The following RBM19 variants were observed in gnomAD, a reference collection of about 807,000 sequenced individuals.
RBM19 encodes the protein probable RNA-binding protein 19.
RBM19 carries 94 observed loss-of-function variants against 116.8 expected under a neutral mutation model. The observed-to-expected ratio is 0.80, with a 90% CI of 0.68 to 0.95. The LOEUF is 0.95. RBM19 is among the 40% of genes least tolerant of loss of function. The pLI, the probability that RBM19 is intolerant of heterozygous loss-of-function variation, is 0.00. For missense variants in RBM19, 1,161 were observed against 1,220.7 expected (o/e 0.95, Z 0.73); for synonymous variants, 475 against 494.1 (o/e 0.96, Z 0.51).
chr12:113,885,279 A>G (rs1880439061), intron 21 of RBM19, among the ~76,000 whole-genome samples: 1 of 152,246 alleles, frequency 6.6e-6, no homozygotes, highest in Admixed American at 6.5e-5. Flanking sequence ...CTATGTGAGA[A>G]TCCTAACCAA....
At chr12:113,832,876 C>T (rs192416942) in intron 23 of RBM19, among the ~76,000 whole-genome samples, 82 of 152,250 alleles carry the variant, frequency 5.4e-4, no homozygotes, top group Non-Finnish European at 7.9e-4. Flanking sequence ...GTGGCCTATT[C>T]GCAAAGGCTG....
intron 21 of RBM19, among the ~76,000 whole-genome samples, chr12:113,907,604 C>A (rs1882156696): frequency 6.6e-6 from 1 of 152,168 alleles, no homozygotes; most frequent in Non-Finnish European, 1.5e-5. Flanking sequence ...AGGGGGTCAA[C>A]AGGACTTAGC....
At chr12:113,962,671 A>G (rs954852433) in intron 1 of RBM19, among the ~76,000 whole-genome samples, 4 of 152,216 alleles carry the variant, frequency 2.6e-5, no homozygotes, top group African/African-American at 7.2e-5. Flanking sequence ...TTCCTACCCT[A>G]TGGGGCTCCT....
Position 113,933,066 on chromosome 12 carries a change from C to G in RBM19, c.2068+3941G>C, listed in dbSNP as rs138800254. ...CAAGCAGCTTTTCAGGACCTCCCCC[C>G]ACTCTGAGCCCTTTATCTGGAGGTG... On this transcript the variant is annotated intron_variant, in intron 16 of 23. Coordinates refer to ENST00000261741, the MANE Select transcript of RBM19 (RefSeq NM_016196.4). 2.1e-3 allele frequency among the ~76,000 whole-genome samples: 325 copies of G among 152,266 alleles called. 2 individuals are homozygous for G. Among genetic ancestry groups the G allele is most frequent in the African/African-American group, 7.4e-3 (309 of 41,550 alleles).
intron 21 of RBM19, among the ~76,000 whole-genome samples, chr12:113,872,379 G>A (rs1208866541): frequency 9.5e-5 from 14 of 147,640 alleles, no homozygotes; most frequent in East Asian, 4.3e-4. Context: ...CAGCCACCCC[G>A]TCCGGGAGGG....
chr12:113,950,443 A>C (rs536603146), intron 8 of RBM19, among the ~76,000 whole-genome samples: 1 of 152,082 alleles, frequency 6.6e-6, no homozygotes, highest in East Asian at 1.9e-4. Flanking sequence ...CCTCACCCCC[A>C]TCCCCCGACT....
At chr12:113,894,048 CCTTCT>C (rs1248557109) in intron 21 of RBM19, among the ~76,000 whole-genome samples, 1 of 152,168 alleles carries the variant, frequency 6.6e-6, no homozygotes, top group Non-Finnish European at 1.5e-5. Context: ...GTCTGCACCA[CCTTCT>C]CTCTTTCATA....
chr12:113,862,654 G>A (rs1254734704), intron 21 of RBM19, among the ~76,000 whole-genome samples: 3 of 152,092 alleles, frequency 2.0e-5, no homozygotes, highest in East Asian at 1.9e-4. Flanking sequence ...GCGAAGCTGC[G>A]CAGGGCCACC....
chr12:113,845,543 T>C (rs547096933), intron 22 of RBM19, among the ~76,000 whole-genome samples: 1 of 152,220 alleles, frequency 6.6e-6, no homozygotes, highest in Admixed American at 6.5e-5. Context: ...GTGCAAAATG[T>C]CATCAAATCA....
intron 16 of RBM19, among the ~76,000 whole-genome samples, chr12:113,934,321 G>A (rs11066822): frequency 0.16 from 24,279 of 152,190 alleles, 2,573 homozygotes; most frequent in African/African-American, 0.3. Context: ...TATCATGCCC[G>A]TTTTACAGAT....
chr12:113,950,854 C>G (rs978328993), intron 8 of RBM19, among the ~76,000 whole-genome samples: 1 of 152,132 alleles, frequency 6.6e-6, no homozygotes, highest in Non-Finnish European at 1.5e-5. Context: ...TATCCAGGCA[C>G]CTCATCCATC....
chr12:113,847,293 T>G (rs1397932494), intron 22 of RBM19, among the ~76,000 whole-genome samples: 3 of 152,210 alleles, frequency 2.0e-5, no homozygotes, highest in Admixed American at 2.0e-4. Flanking sequence ...CTTTGTTCTC[T>G]TCTGTGCTGT....
intron 21 of RBM19, among the ~76,000 whole-genome samples, chr12:113,902,265 C>T (rs558983334): frequency 1.3e-5 from 2 of 152,224 alleles, no homozygotes; most frequent in South Asian, 2.1e-4. Flanking sequence ...ACACAGGCAC[C>T]TCCCTCCCTC....
intron 21 of RBM19, among the ~76,000 whole-genome samples, chr12:113,860,155 C>T (rs1292627648): frequency 6.6e-6 from 1 of 152,238 alleles, no homozygotes; most frequent in African/African-American, 2.4e-5. Flanking sequence ...GCACTGGTGA[C>T]AAGGCCAGCC....
chr12:113,880,370 T>C (rs780959006), intron 21 of RBM19, among the ~76,000 whole-genome samples: 3 of 152,042 alleles, frequency 2.0e-5, no homozygotes, highest in Non-Finnish European at 2.9e-5. Context: ...GTGGGTTCCA[T>C]GATCCTGCCT....
At chr12:113,945,684 C>T (rs1870946337) in intron 13 of RBM19, 144 bp downstream of exon 13, 2 of 655,780 alleles carry the variant, frequency 3.0e-6, no homozygotes, top group South Asian at 3.9e-5. Flanking sequence ...GAGCACCTTC[C>T]ATTCCAGAGG....
chr12:113,844,592 C>T (rs1876782132), intron 23 of RBM19, 76 bp downstream of exon 23: 1 of 1,523,732 alleles, frequency 6.6e-7, no homozygotes, highest in Non-Finnish European at 8.8e-7. Flanking sequence ...GAGGGCAGTT[C>T]TCTCAGATGT....
intron 21 of RBM19, among the ~76,000 whole-genome samples, chr12:113,912,610 G>C (rs1318252156): frequency 6.6e-6 from 1 of 152,214 alleles, no homozygotes; most frequent in African/African-American, 2.4e-5. Context: ...ATCCCTCGCA[G>C]GGCTGCTGTG....
rs1197492374 is a variant in RBM19 at position 113,822,342 on chromosome 12, A to T, written c.*882T>A. ...TGCGTCTCAGGCTGGAGAAAATGTG[A>T]ACACGGGCGCCTGAGAGAAGCCTGG... On this transcript the variant is annotated 3_prime_UTR_variant, in exon 24 of 24. Transcript: ENST00000261741. 1 of 152,238 alleles carries T rather than the reference A, an allele frequency of 6.6e-6. No individual in the cohort carries two copies. Among genetic ancestry groups the T allele is most frequent in the Non-Finnish European group, 1.5e-5 (1 of 68,076 alleles). 9.4% of individuals were successfully genotyped at this position (152,238 alleles called of 1,614,324 possible).
Sources: allele counts gnomAD v4.1 joint callset (sites outside exome capture counted in the v4.1 genomes callset), GRCh38; gene constraint gnomAD v4.1.1; transcripts MANE v1.5; gene names NCBI Gene and HGNC (gene_info 2026-07-23, HGNC 2026-07-21).